NXN: variants seen among roughly 807,000 people sequenced by gnomAD.
The protein encoded by NXN is nucleoredoxin, also known as nucleoredoxin 1.
A neutral mutation model predicts 48.6 loss-of-function variants in NXN; 16 were observed. The observed-to-expected ratio is 0.33, with a 90% confidence interval of 0.22 to 0.50. NXN has a LOEUF of 0.50. Ranked by LOEUF, NXN falls within the 20% of genes least tolerant of loss-of-function variation. The pLI is 0.98. For missense variants in NXN, 492 were observed against 605.5 expected (o/e 0.81, Z 1.97); for synonymous variants, 281 against 269.6 (o/e 1.04, Z -0.41).
intron 1 of NXN, among the ~76,000 whole-genome samples, chr17:910,409 T>TTA (rs1567858948): frequency 1.5e-5 from 2 of 137,674 alleles, no homozygotes; most frequent in Admixed American, 1.5e-4. Context: ...GAGACTCCAT[T>TTA]AAAAAAAAAA....
intron 1 of NXN, among the ~76,000 whole-genome samples, chr17:972,908 G>C (rs2069405894): frequency 6.6e-6 from 1 of 152,054 alleles, no homozygotes; most frequent in East Asian, 1.9e-4. Flanking sequence ...ACGGGCCCCT[G>C]TAGTCCCAGC....
At chr17:935,781 A>G (rs1265784454) in intron 1 of NXN, among the ~76,000 whole-genome samples, 2 of 152,052 alleles carry the variant, frequency 1.3e-5, no homozygotes, top group African/African-American at 4.8e-5. Flanking sequence ...TGCCAGCCAC[A>G]TCCTTGCCTG....
At chr17:967,947 A>G (rs1368135515) in intron 1 of NXN, among the ~76,000 whole-genome samples, 2 of 151,960 alleles carry the variant, frequency 1.3e-5, no homozygotes, top group South Asian at 2.1e-4. Context: ...ACTCTAGCCC[A>G]GGCGACAGAG....
rs74750766 is a variant in NXN at position 805,328 on chromosome 17, G to A, written c.821-81C>T. On this transcript the variant is annotated intron_variant, in intron 5 of 7. Transcript: ENST00000336868. Reference sequence around the variant, plus strand: ...GCAGGAGGCTCGCGGGGTCCAGCCCGGGGTCCCCCCGACCGTGGTGGAGCC... The same window carrying A: ...GCAGGAGGCTCGCGGGGTCCAGCCCAGGGTCCCCCCGACCGTGGTGGAGCC... The A allele has an allele frequency of 0.099, 143,361 of 1,454,984 alleles. 7,350 individuals are homozygous for A. The highest frequency in any genetic ancestry group is 0.14 in the Admixed American group (6,510 of 45,968). The allele number at this position is 1,454,984 out of a possible 1,614,324, so 90.1% of individuals were successfully genotyped here.
At chr17:936,400 A>C (rs927393007) in intron 1 of NXN, among the ~76,000 whole-genome samples, 1 of 151,958 alleles carries the variant, frequency 6.6e-6, no homozygotes, top group African/African-American at 2.4e-5. Context: ...TGAGGTGGTG[A>C]GTGTGCACCA....
At chr17:922,082 C>T (rs959474491) in intron 1 of NXN, among the ~76,000 whole-genome samples, 3 of 152,292 alleles carry the variant, frequency 2.0e-5, no homozygotes, top group Non-Finnish European at 4.4e-5. Context: ...CCCTTTTCAG[C>T]GGGTAACTGT....
intron 1 of NXN, among the ~76,000 whole-genome samples, chr17:964,709 T>C (rs1264214970): frequency 1.3e-5 from 2 of 152,168 alleles, no homozygotes; most frequent in African/African-American, 4.8e-5. Context: ...CAAAGACACT[T>C]GTGTAAGAAA....
chr17:957,845 T>C (rs2069189152), intron 1 of NXN, among the ~76,000 whole-genome samples: 1 of 152,064 alleles, frequency 6.6e-6, no homozygotes, highest in Admixed American at 6.6e-5. Context: ...AGCTCTCACC[T>C]TGCAAACAGA....
chr17:843,006 G>GAA lies in NXN; in HGVS notation c.361-16929_361-16928insTT, dbSNP rs1302027670. Among the ~76,000 whole-genome samples the GAA allele has an allele frequency of 6.7e-3, 645 of 95,898 alleles. 3 individuals are homozygous for GAA. Among genetic ancestry groups the GAA allele is most frequent in the East Asian group, 0.011 (34 of 3,094 alleles). The allele number at this position is 95,898 out of a possible 152,430, so 62.9% of individuals were successfully genotyped here. A position where few individuals can be genotyped will look rare whatever the true frequency, so the allele number is the denominator to read the frequency against. Reference sequence around the variant, plus strand: ...AGAGAAAGAGAGAAAGAGAGAAAGAGAGAAAGAAAGAAAGAAAGAAAGAAA... The same window carrying GAA: ...AGAGAAAGAGAGAAAGAGAGAAAGAGAAAGAAAGAAAGAAAGAAAGAAAGAAA... On this transcript the variant is annotated intron_variant, in intron 1 of 7. Transcript: ENST00000336868.
chr17:871,151 G>A (rs552867044), intron 1 of NXN, among the ~76,000 whole-genome samples: 11 of 152,072 alleles, frequency 7.2e-5, no homozygotes, highest in Non-Finnish European at 1.3e-4. Context: ...GTGAGCCACC[G>A]TGCCCGGCTA....
chr17:831,117 A>G (rs1484131073), intron 1 of NXN, among the ~76,000 whole-genome samples: 2 of 152,146 alleles, frequency 1.3e-5, no homozygotes, highest in Admixed American at 6.5e-5. Flanking sequence ...CGAGACCTAG[A>G]TCACAAATGG....
chr17:959,340 G>A, intron 1 of NXN: 2 of 244,884 alleles, frequency 8.2e-6, no homozygotes, highest in South Asian at 1.3e-4. Context: ...ACTCCAAGGA[G>A]GGCTGGGAGT....
chr17:870,704 C>G (rs1298925433), intron 1 of NXN, among the ~76,000 whole-genome samples: 1 of 151,640 alleles, frequency 6.6e-6, no homozygotes, highest in Non-Finnish European at 1.5e-5. Context: ...CCAGTGAGCC[C>G]CGATTGTGCT....
chr17:941,055 A>C (rs1254912094), intron 1 of NXN, among the ~76,000 whole-genome samples: 2 of 111,156 alleles, frequency 1.8e-5, no homozygotes. Context: ...GAATTCACCA[A>C]ACACCTCCCT....
intron 1 of NXN, among the ~76,000 whole-genome samples, chr17:970,163 C>A (rs1402668749): frequency 6.6e-6 from 1 of 152,208 alleles, no homozygotes; most frequent in African/African-American, 2.4e-5. Context: ...CAGAACAAAA[C>A]TTTCCATGAC....
chr17:939,826 T>C (rs563026467), intron 1 of NXN, among the ~76,000 whole-genome samples: 3 of 152,266 alleles, frequency 2.0e-5, no homozygotes, highest in Admixed American at 6.5e-5. Flanking sequence ...ATGCTTTTTT[T>C]GTATTCGATG....
chr17:896,848 G>T, intron 1 of NXN: 1 of 1,190,012 alleles, frequency 8.4e-7, no homozygotes, highest in Non-Finnish European at 1.1e-6. Context: ...GGACCACGCG[G>T]TCCTGACCAC....
At chr17:848,825 T>C (rs893323835) in intron 1 of NXN, among the ~76,000 whole-genome samples, 1 of 152,150 alleles carries the variant, frequency 6.6e-6, no homozygotes, top group African/African-American at 2.4e-5. Flanking sequence ...GAGGCTGAAG[T>C]GTGGTCTGAG....
intron 1 of NXN, among the ~76,000 whole-genome samples, chr17:865,461 C>T (rs1014680141): frequency 6.6e-6 from 1 of 150,666 alleles, no homozygotes; most frequent in Non-Finnish European, 1.5e-5. Context: ...AGGCTGGTCT[C>T]GAACTCATGA....
Sources: gnomAD v4.1 joint callset for allele counts (sites outside exome capture counted in the v4.1 genomes callset) on GRCh38, gnomAD v4.1.1 for gene constraint, MANE v1.5 for transcripts, NCBI Gene and HGNC (gene_info 2026-07-23, HGNC 2026-07-21) for gene names.